Variants in FOXP2 observed in about 807,000 individuals in gnomAD.
FOXP2 encodes the protein forkhead box P2, also known as forkhead box protein P2.
A neutral mutation model predicts 115.8 loss-of-function variants in FOXP2; 12 were observed. That is an observed-to-expected ratio of 0.10 (90% CI 0.07 to 0.17). FOXP2 has a LOEUF of 0.17. FOXP2 is among the 10% of genes least tolerant of loss of function. FOXP2 has a pLI of 1.00. For synonymous variants in FOXP2, 328 were observed against 297.7 expected (o/e 1.10, Z -1.05); for missense variants, 629 against 843.5 (o/e 0.75, Z 3.15).
intron 1 of FOXP2, among the ~76,000 whole-genome samples, chr7:114,201,842 C>T (rs1461967303): frequency 7.0e-4 from 106 of 152,220 alleles, no homozygotes; most frequent in Non-Finnish European, 1.2e-4. Flanking sequence ...GCGCAGTTGC[C>T]TTGTGATAAA....
intron 1 of FOXP2, among the ~76,000 whole-genome samples, chr7:114,138,765 A>T (rs746951622): frequency 4.6e-5 from 7 of 151,976 alleles, no homozygotes; most frequent in Non-Finnish European, 7.4e-5. Context: ...CCTGACCAGT[A>T]CTCCTCAAAA....
intron 1 of FOXP2, among the ~76,000 whole-genome samples, chr7:114,165,774 GT>G (rs1445528734): frequency 2.0e-5 from 3 of 152,164 alleles, no homozygotes; most frequent in African/African-American, 7.2e-5. Context: ...TAATTCATGA[GT>G]TTATTTGGAA....
intron 1 of FOXP2, among the ~76,000 whole-genome samples, chr7:114,186,681 G>A (rs1426828460): frequency 2.0e-5 from 3 of 152,148 alleles, no homozygotes; most frequent in Non-Finnish European, 2.9e-5. Flanking sequence ...TGGTGGCTCC[G>A]TCCCTGGGGC....
chr7:114,648,588 T>G (rs1806049754), intron 8 of FOXP2, among the ~76,000 whole-genome samples: 1 of 152,084 alleles, frequency 6.6e-6, no homozygotes. Context: ...CTATAAAACC[T>G]TCATTAAAGA....
chr7:114,511,578 C>G (rs1798077997), intron 2 of FOXP2, among the ~76,000 whole-genome samples: 1 of 152,062 alleles, frequency 6.6e-6, no homozygotes, highest in Non-Finnish European at 1.5e-5. Flanking sequence ...TGCCTTAGGA[C>G]ATGTTTTGGA....
chr7:114,362,546 G>A (rs1226234974), intron 2 of FOXP2, among the ~76,000 whole-genome samples: 2 of 152,018 alleles, frequency 1.3e-5, no homozygotes, highest in Non-Finnish European at 1.5e-5. Flanking sequence ...ATGAAAAATG[G>A]AAAGAATTTA....
chr7:114,127,357 A>G (rs1791742894), intron 1 of FOXP2, among the ~76,000 whole-genome samples: 1 of 152,104 alleles, frequency 6.6e-6, no homozygotes, highest in Non-Finnish European at 1.5e-5. Flanking sequence ...GGTCAAGGGG[A>G]AAAGATTATA....
intron 1 of FOXP2, among the ~76,000 whole-genome samples, chr7:114,268,366 T>G (rs1795950454): frequency 6.6e-6 from 1 of 152,162 alleles, no homozygotes; most frequent in Non-Finnish European, 1.5e-5. Context: ...GGGAATTTGC[T>G]CATACATAGG....
chr7:114,457,281 T>C (rs564785504), intron 2 of FOXP2, among the ~76,000 whole-genome samples: 1 of 152,268 alleles, frequency 6.6e-6, no homozygotes, highest in Admixed American at 6.5e-5. Context: ...CTTAAGTATA[T>C]ACCAGAAAAA....
At chr7:114,371,600 C>T (rs76372101) in intron 2 of FOXP2, among the ~76,000 whole-genome samples, 4,895 of 152,074 alleles carry the variant, frequency 0.032, 217 homozygotes, top group African/African-American at 0.11. Flanking sequence ...CCACAATCTG[C>T]CACTTAATTT....
Position 114,227,581 on chromosome 7 carries a change from A to G in FOXP2, c.-101-60438A>G, listed in dbSNP as rs1393434988. ...AATACCTGTCTTTCTAGACTTCTGC[A>G]TTTTACTTGTATTGTCAAACTTACT... On this transcript the variant is annotated intron_variant, in intron 1 of 17. Coordinates refer to the FOXP2 transcript ENST00000634411. 2.0e-5 allele frequency among the ~76,000 whole-genome samples: 3 copies of G among 151,980 alleles called. No individual in the cohort carries two copies. The East Asian group carries it at 5.8e-4, about 29-fold the overall frequency.
At chr7:114,196,236 T>C (rs1344364822) in intron 1 of FOXP2, among the ~76,000 whole-genome samples, 2 of 152,066 alleles carry the variant, frequency 1.3e-5, no homozygotes, top group African/African-American at 4.8e-5. Flanking sequence ...AGTCTCCATC[T>C]CTTGACCTCG....
chr7:114,664,185 T>C (rs1051866096), intron 15 of FOXP2, 88 bp from the exon 16 acceptor site: 35 of 1,388,152 alleles, frequency 2.5e-5, no homozygotes, highest in East Asian at 7.3e-5. Flanking sequence ...TATTTCCTTA[T>C]TGGAACCCAT....
chr7:114,240,413 T>C (rs115332373), intron 1 of FOXP2, among the ~76,000 whole-genome samples: 6,327 of 152,212 alleles, frequency 0.042, 322 homozygotes, highest in African/African-American at 0.12. Context: ...TATAGAACAA[T>C]AAATTCACAA....
In FOXP2 at chr7:114,646,804, A is replaced by T. The variant is rs182049749; in HGVS notation, c.1094+2015A>T. ...TGGAAAAGAAAGAAAATATCTCATT[A>T]AATGAATTAACTTCGGTTATTCAAA... On this transcript the variant is annotated intron_variant, in intron 8 of 16. Coordinates refer to ENST00000350908, the MANE Select transcript of FOXP2 (RefSeq NM_014491.4). Among the ~76,000 whole-genome samples, 257 of 152,058 alleles carry T rather than the reference A, an allele frequency of 1.7e-3. 1 individual carries two copies. Among genetic ancestry groups the T allele is most frequent in the African/African-American group, 6.0e-3 (249 of 41,488 alleles).
chr7:114,545,453 T>G (rs1038153594), intron 3 of FOXP2, among the ~76,000 whole-genome samples: 3 of 152,220 alleles, frequency 2.0e-5, no homozygotes, highest in African/African-American at 7.2e-5. Flanking sequence ...TATGATTTCT[T>G]ATGTAAAATC....
chr7:114,106,919 T>C (rs1444530584), intron 1 of FOXP2, among the ~76,000 whole-genome samples: 3 of 152,034 alleles, frequency 2.0e-5, no homozygotes, highest in Non-Finnish European at 4.4e-5. Flanking sequence ...AAACTCATAG[T>C]TATAATCAAA....
intron 1 of FOXP2, among the ~76,000 whole-genome samples, chr7:114,125,060 C>T (rs1376089021): frequency 6.6e-6 from 1 of 152,268 alleles, no homozygotes; most frequent in East Asian, 1.9e-4. Flanking sequence ...CAAATAACCA[C>T]TACCGACTTC....
intron 2 of FOXP2, among the ~76,000 whole-genome samples, chr7:114,441,378 A>C (rs1408677627): frequency 1.3e-4 from 20 of 152,020 alleles, no homozygotes; most frequent in Admixed American, 1.3e-3. Flanking sequence ...GCTTGAACAC[A>C]AGAGGCGGAG....
Sources: gnomAD v4.1 joint callset for allele counts (sites outside exome capture counted in the v4.1 genomes callset) on GRCh38, gnomAD v4.1.1 for gene constraint, MANE v1.5 for transcripts, NCBI Gene and HGNC (gene_info 2026-07-23, HGNC 2026-07-21) for gene names.